Variants in ACAA1 observed in about 807,000 individuals in gnomAD.
ACAA1 encodes 3-ketoacyl-CoA thiolase, peroxisomal.
ACAA1 carries 44 observed loss-of-function variants against 48.8 expected under a neutral mutation model. That is an observed-to-expected ratio of 0.90 (90% CI 0.71 to 1.16). The LOEUF (loss-of-function observed/expected upper bound fraction) is 1.16. Among genes scored for constraint, ACAA1 ranks in the 50% most tolerant of loss-of-function variants. The pLI is 0.00. For missense variants in ACAA1, 512 were observed against 562.3 expected (o/e 0.91, Z 0.90); for synonymous variants, 233 against 226.5 (o/e 1.03, Z -0.26).
chr3:38,131,610 AATGTC>A lies in ACAA1; in HGVS notation c.427_431del (p.Asp143TrpfsTer13). 1 of 1,614,190 alleles carries A rather than the reference AATGTC, an allele frequency of 6.2e-7. No homozygotes were observed. Among genetic ancestry groups the A allele is most frequent in the Admixed American group, 1.7e-5 (1 of 60,018 alleles). ...AAAATTCTTACCCACAGGCCATGCCAATGTCATAAGACCCATTTCTGATGCCACCT... is the reference window on the plus strand; with the variant it reads ...AAAATTCTTACCCACAGGCCATGCCAATAAGACCCATTTCTGATGCCACCT... On this transcript the variant is annotated frameshift_variant, in exon 5 of 12. Coordinates refer to ENST00000333167, the MANE Select transcript of ACAA1 (RefSeq NM_001607.4). LOFTEE classifies it high-confidence loss of function.
chr3:38,136,492 AG>A, intron 2 of ACAA1, 99 bp downstream of exon 2: 6 of 1,293,066 alleles, frequency 4.6e-6, no homozygotes, highest in Non-Finnish European at 6.7e-6. Flanking sequence ...AAGGCCATGG[AG>A]GTTCCCCCAG....
Position 38,127,788 on chromosome 3 carries a change from C to G in ACAA1, c.624G>C (p.Gln208His). 1.2e-6 allele frequency: 2 copies of G among 1,614,138 alleles called. No individual in the cohort carries two copies. Among genetic ancestry groups the G allele is most frequent in the Non-Finnish European group, 1.7e-6 (2 of 1,179,976 alleles). Residue 208 changes from glutamine to histidine, a missense_variant and splice_region_variant, in exon 7 of 12, where the codon CAG becomes CAC. By Grantham distance (24) the Gln-to-His change is conservative. Transcript: ENST00000333167. ...ATTCCTCCCCAATCAGCACTCACTT[C>G]TGCTGGGAAGCCAGGGCAAAGGTAT... ...KQDTFALASQQKAARAQSKGC... is the reference protein window; with the variant it reads ...KQDTFALASQHKAARAQSKGC...
chr3:38,126,597 G>A lies in ACAA1; in HGVS notation c.730C>T (p.Gln244Ter). The A allele has an allele frequency of 1.2e-6, 2 of 1,614,210 alleles. No homozygotes were observed. Among genetic ancestry groups the A allele is most frequent in the African/African-American group, 1.3e-5 (1 of 75,064 alleles). The part of the protein sequence containing the change: ...KGTKRSITVT[Q>*]DEGIRPSTTM... ...GTGCTGGGGCGGATACCCTCATCCT[G>A]GGTCACAGTGATGCTCCTCTTGGTG... is the stretch of plus-strand genomic sequence containing the variant. Residue 244 changes from glutamine (Q) to a stop codon, truncating the protein, a stop_gained, in exon 8 of 12, where the codon CAG becomes TAG. Coordinates refer to ENST00000333167, the MANE Select transcript of ACAA1 (RefSeq NM_001607.4). LOFTEE classifies it high-confidence loss of function. This position sits in a 1 kb window ranked among gnomAD's most constrained non-coding sequence, Gnocchi z 4.7.
At chr3:38,132,858 TC>T (rs1700815748) in intron 3 of ACAA1, among the ~76,000 whole-genome samples, 1 of 152,038 alleles carries the variant, frequency 6.6e-6, no homozygotes, top group Non-Finnish European at 1.5e-5. Flanking sequence ...GTCCCTTAAC[TC>T]CCTAGCAGGT....
rs752282975 is a variant in ACAA1 at position 38,131,953 on chromosome 3, C to T, written c.376G>A (p.Gly126Arg). The T allele has an allele frequency of 6.2e-7, 1 of 1,614,074 alleles. No individual in the cohort carries two copies. Among genetic ancestry groups the T allele is most frequent in the Non-Finnish European group, 8.5e-7 (1 of 1,179,956 alleles). ...GCTATGCTGGCCACTGCCTGTAGCC[C>T]CGACGAACACTGTCTATTGACAGTG... ...LSTVNRQCSS[G>R]LQAVASIAGG... Residue 126 changes from glycine to arginine, a missense_variant, in exon 4 of 12, where the codon GGG (glycine) becomes AGG (arginine). Transcript: ENST00000333167.
chr3:38,128,483 C>T (rs1055012039), intron 6 of ACAA1, among the ~76,000 whole-genome samples: 9 of 152,242 alleles, frequency 5.9e-5, no homozygotes, highest in Admixed American at 2.0e-4. Flanking sequence ...CCTCTCCAAG[C>T]CTCAGTCTCC....
chr3:38,126,382 G>C lies in ACAA1; in HGVS notation c.818-41C>G, dbSNP rs879205959. The C allele has an allele frequency of 3.7e-6, 6 of 1,606,708 alleles. No individual in the cohort carries two copies. Among genetic ancestry groups the C allele is most frequent in the Non-Finnish European group, 5.1e-6 (6 of 1,175,568 alleles). On this transcript the variant is annotated intron_variant, in intron 8 of 11. Coordinates refer to ENST00000333167, the MANE Select transcript of ACAA1 (RefSeq NM_001607.4). This position sits in a 1 kb window ranked among gnomAD's most constrained non-coding sequence, Gnocchi z 4.7. ...TGGGGTAAGAAGGCATCGGGGTGGG[G>C]ATGAGGAGATCCCAGCCCTCCCACT... is the stretch of plus-strand genomic sequence containing the variant.
chr3:38,134,126 C>T (rs1700841653), intron 2 of ACAA1, 117 bp from the exon 3 acceptor site: 7 of 1,005,276 alleles, frequency 7.0e-6, no homozygotes, highest in Non-Finnish European at 1.0e-5. Context: ...TAGCCCTTGG[C>T]AGGCTCACTT....
Position 38,125,558 on chromosome 3 carries a change from G to T in ACAA1, c.1199+7C>A, listed in dbSNP as rs532926845. The T allele has an allele frequency of 3.3e-6, 5 of 1,537,836 alleles. No homozygotes were observed. Among genetic ancestry groups the T allele is most frequent in the Non-Finnish European group, 4.4e-6 (5 of 1,143,704 alleles). On this transcript the variant is annotated splice_region_variant and intron_variant, in intron 11 of 11. Coordinates refer to ENST00000333167, the MANE Select transcript of ACAA1 (RefSeq NM_001607.4). Reference sequence around the variant, plus strand: ...CTATGACCCCACCGCCAGGAGCAAAGCCTTACCTCTTCCCACGGCGCTTCA... The same window carrying T: ...CTATGACCCCACCGCCAGGAGCAAATCCTTACCTCTTCCCACGGCGCTTCA...
rs1575259778 is a variant in ACAA1 at position 38,126,825 on chromosome 3, G to T, written c.627-125C>A. On this transcript the variant is annotated intron_variant, in intron 7 of 11. Coordinates refer to ENST00000333167, the MANE Select transcript of ACAA1 (RefSeq NM_001607.4). The surrounding 1 kb of genome is among the most constrained non-coding windows in gnomAD (Gnocchi z 4.7). ...TAAATTCAGGGACATGCTCGACTTT[G>T]GGGGAGCTCTGAGGGCATGGCTAAG... 1 of 1,191,200 alleles carries T rather than the reference G, an allele frequency of 8.4e-7. No homozygotes were observed. Among genetic ancestry groups the T allele is most frequent in the Non-Finnish European group, 1.2e-6 (1 of 843,712 alleles). 73.8% of individuals were successfully genotyped at this position (1,191,200 alleles called of 1,614,324 possible).
Position 38,126,271 on chromosome 3 carries a change from C to G in ACAA1, c.888G>C (p.Leu296Phe). The G allele has an allele frequency of 1.2e-6, 2 of 1,614,198 alleles. No individual in the cohort carries two copies. Among genetic ancestry groups the G allele is most frequent in the Non-Finnish European group, 1.7e-6 (2 of 1,180,036 alleles). ...LLARRSKAEE[L>F]GLPILGVLRS... ...TCAGGACCCCAAGGATGGGAAGGCC[C>G]AACTCTTCTGCCTTGGACCTCCGGG... Residue 296 changes from leucine (L) to phenylalanine (F), a missense_variant, in exon 9 of 12, where the codon TTG (leucine) becomes TTC (phenylalanine). Coordinates refer to ENST00000333167, the MANE Select transcript of ACAA1 (RefSeq NM_001607.4). This position sits in a 1 kb window ranked among gnomAD's most constrained non-coding sequence, Gnocchi z 4.7.
Position 38,129,798 on chromosome 3 carries a change from G to A in ACAA1, c.447-410C>T, listed in dbSNP as rs1445771722. Reference sequence around the variant, plus strand: ...GACAATTTGAAAGTAACCACAGGCCGGCTGTGGTGGCTCACGCCTGTAATC... The same window carrying A: ...GACAATTTGAAAGTAACCACAGGCCAGCTGTGGTGGCTCACGCCTGTAATC... On this transcript the variant is annotated intron_variant, in intron 5 of 11. Coordinates refer to ENST00000333167, the MANE Select transcript of ACAA1 (RefSeq NM_001607.4). The surrounding 1 kb of genome is among the most constrained non-coding windows in gnomAD (Gnocchi z 5.3). 2.0e-5 allele frequency among the ~76,000 whole-genome samples: 3 copies of A among 152,312 alleles called. No individual in the cohort carries two copies. The highest frequency in any genetic ancestry group is 3.9e-4 in the East Asian group (2 of 5,178).
intron 2 of ACAA1, chr3:38,134,211 C>T: frequency 1.7e-6 from 1 of 598,048 alleles, no homozygotes; most frequent in Non-Finnish European, 3.0e-6. Flanking sequence ...TCCACCAGCT[C>T]CTGTCCCTGA....
At chr3:38,127,959 C>G (rs566529069) in intron 6 of ACAA1, 93 bp from the exon 7 acceptor site, 2 of 1,301,520 alleles carry the variant, frequency 1.5e-6, no homozygotes, top group South Asian at 2.4e-5. Context: ...TTTGGGTTCC[C>G]AAGGCTGTAG....
At chr3:38,133,062 A>G (rs137903164) in intron 3 of ACAA1, among the ~76,000 whole-genome samples, 3 of 152,320 alleles carry the variant, frequency 2.0e-5, no homozygotes, top group Non-Finnish European at 2.9e-5. Context: ...AAGGAAGTAT[A>G]TGGCTACTGC....
rs2229529 is a variant in ACAA1, at chr3:38,123,071, G to T, written c.1251C>A (p.Ala417=). Residue 417 remains alanine (A), a synonymous_variant, in exon 12 of 12, where the codon GCC becomes GCA. Coordinates refer to ENST00000333167, the MANE Select transcript of ACAA1 (RefSeq NM_001607.4). ...MCIGTGMGAA[A]VFEYPGN ...CTCAGTTCCCAGGGTATTCAAAGAC[G>T]GCAGCGGCTCCCATTCCAGTCCCGA... 5.0e-6 allele frequency: 8 copies of T among 1,614,142 alleles called. No homozygotes were observed. Among genetic ancestry groups the T allele is most frequent in the Middle Eastern group, 1.7e-4 (1 of 6,058 alleles).
chr3:38,133,132 T>A (rs1311571367), intron 3 of ACAA1, among the ~76,000 whole-genome samples: 1 of 151,986 alleles, frequency 6.6e-6, no homozygotes, highest in East Asian at 1.9e-4. Flanking sequence ...GCCAAAATGG[T>A]GAGACTGTGT....
At position 38,129,489 on chromosome 3, in the gene ACAA1, G is replaced by C; in HGVS notation, c.447-101C>G. 1.1e-6 allele frequency: 1 copy of C among 935,884 alleles called. No homozygotes were observed. The allele number at this position is 935,884 out of a possible 1,614,324, so 58.0% of individuals were successfully genotyped here. A position where few individuals can be genotyped will look rare whatever the true frequency, so the allele number is the denominator to read the frequency against. On this transcript the variant is annotated intron_variant, in intron 5 of 11. Transcript: ENST00000333167. The surrounding 1 kb of genome is among the most constrained non-coding windows in gnomAD (Gnocchi z 5.3). Reference sequence around the variant, plus strand: ...TTGGCAAGTGCTAGGAAATAGCCAGGGAGCCCTAGGAAGACCAGTGGGCCT... The same window carrying C: ...TTGGCAAGTGCTAGGAAATAGCCAGCGAGCCCTAGGAAGACCAGTGGGCCT...
intron 4 of ACAA1, 79 bp from the exon 5 acceptor site, chr3:38,131,717 G>T: frequency 6.7e-7 from 1 of 1,494,424 alleles, no homozygotes; most frequent in Non-Finnish European, 9.3e-7. Flanking sequence ...TCCCCACCTG[G>T]TCTCTAGATG....
Sources: allele counts gnomAD v4.1 joint callset (sites outside exome capture counted in the v4.1 genomes callset), GRCh38; gene constraint gnomAD v4.1.1; non-coding constraint Gnocchi (gnomAD v3.1); transcripts MANE v1.5; gene names NCBI Gene and HGNC (gene_info 2026-07-23, HGNC 2026-07-21).